Variants in MSL1 observed in about 807,000 individuals in gnomAD.
The protein encoded by MSL1 is male-specific lethal 1 homolog.
Under a neutral mutation model 64.6 loss-of-function variants are expected in MSL1, and 21 were observed. The observed-to-expected ratio is 0.33, with a 90% CI of 0.23 to 0.47. The LOEUF is 0.47. Ranked by LOEUF, MSL1 falls within the 20% of genes least tolerant of loss-of-function variation. MSL1 has a pLI of 1.00. For synonymous variants in MSL1, 339 were observed against 329.6 expected, an observed-to-expected ratio of 1.03 and a Z score of -0.31; for missense variants, 664 against 793.2, an observed-to-expected ratio of 0.84 and a Z score of 1.96.
intron 3 of MSL1, chr17:40,130,328 C>T (rs1451771411): frequency 6.6e-6 from 1 of 151,834 alleles, no homozygotes; most frequent in African/African-American, 2.4e-5. Context: ...CTTGGGATAT[C>T]TGAGCTGCTT....
In MSL1 at chr17:40,134,303, T is replaced by G; in HGVS notation, c.1779T>G (p.Asp593Glu). 1 of 1,556,906 alleles carries G rather than the reference T, an allele frequency of 6.4e-7. No homozygotes were observed. The highest frequency in any genetic ancestry group is 8.7e-7 in the Non-Finnish European group (1 of 1,149,832). Reference protein sequence around the residue: ...TPQNFELPWLDERSRCRLEIQ... With the variant: ...TPQNFELPWLEERSRCRLEIQ... ...GGAATTTTGAGCTACCCTGGTTGGA[T>G]GAGCGTAGCCGATGCAGATTGGAGA... The change falls in exon 9 of 9, where the codon GAT becomes GAG. Residue 593 changes from aspartate (D) to glutamate (E), a missense_variant. Transcript: ENST00000398532.
intron 1 of MSL1, among the ~76,000 whole-genome samples, chr17:40,125,794 AAAAC>A (rs771539569): frequency 6.6e-6 from 1 of 152,226 alleles, no homozygotes; most frequent in African/African-American, 2.4e-5. Context: ...AACAAAAACA[AAAAC>A]AAACAAACAA....
In MSL1 at chr17:40,131,908, C is replaced by T. The variant is rs1441187974; in HGVS notation, c.1424-126C>T. 2 of 694,932 alleles carry T rather than the reference C, an allele frequency of 2.9e-6. No individual in the cohort carries two copies. The highest frequency in any genetic ancestry group is 1.8e-5 in the African/African-American group (1 of 55,814). 43.0% of individuals were successfully genotyped at this position (694,932 alleles called of 1,614,324 possible). A position where few individuals can be genotyped will look rare whatever the true frequency, so the allele number is the denominator to read the frequency against. On this transcript the variant is annotated intron_variant, in intron 4 of 8. Coordinates refer to ENST00000398532, the MANE Select transcript of MSL1 (RefSeq NM_001365919.1). The surrounding 1 kb of genome is among the most constrained non-coding windows in gnomAD (Gnocchi z 4.5). ...CTTCAGGGAGGCCATAGAATGGATTCCTATCACTTGGTAACTTTGTCTCTT... is the reference window on the plus strand; with the variant it reads ...CTTCAGGGAGGCCATAGAATGGATTTCTATCACTTGGTAACTTTGTCTCTT...
In MSL1 at chr17:40,129,541, A is replaced by G; in HGVS notation, c.1289A>G (p.Glu430Gly). 6.2e-7 allele frequency: 1 copy of G among 1,613,928 alleles called. No individual in the cohort carries two copies. Among genetic ancestry groups the G allele is most frequent in the Non-Finnish European group, 8.5e-7 (1 of 1,179,886 alleles). ...GATTTGCCGTACCTTTCCACCACAG[A>G]AATGTATTTGTGTCGTTGGCACCAG... Reference protein sequence around the residue: ...IEDLPYLSTTEMYLCRWHQPP... With the variant: ...IEDLPYLSTTGMYLCRWHQPP... Residue 430 changes from glutamate to glycine, a missense_variant, in exon 3 of 9, where the codon GAA (glutamate) becomes GGA (glycine). Physicochemically the swap from Glu to Gly is moderately conservative, Grantham distance 98 (BLOSUM62 -2). Around this residue, in one of 4 missense-constraint regions of MSL1, gnomAD observed 119 missense variants for 164.3 expected, o/e 0.72. Transcript: ENST00000398532.
At chr17:40,123,423 G>C (rs1255266122) in intron 1 of MSL1, 43 bp downstream of exon 1, 3 of 1,523,600 alleles carry the variant, frequency 2.0e-6, no homozygotes, top group East Asian at 2.5e-5. Context: ...GGAGCGAGTT[G>C]TGCGCATGCT....
Position 40,129,341 on chromosome 17 carries a change from T to C in MSL1, c.1089T>C (p.Pro363=). The C allele has an allele frequency of 6.2e-7, 1 of 1,611,376 alleles. No homozygotes were observed. Among genetic ancestry groups the C allele is most frequent in the Non-Finnish European group, 8.5e-7 (1 of 1,179,240 alleles). The change falls in exon 3 of 9, where the codon CCT becomes CCC. Residue 363 remains proline (P), a synonymous_variant. Coordinates refer to ENST00000398532, the MANE Select transcript of MSL1 (RefSeq NM_001365919.1). Reference sequence around the variant, plus strand: ...AAACAAAAACTCCTAAGCACTCTCCTATTAAAGAGGAACCCTGTGGTTCCT... The same window carrying C: ...AAACAAAAACTCCTAAGCACTCTCCCATTAAAGAGGAACCCTGTGGTTCCT... ...KVKTKTPKHS[P]IKEEPCGSLS... is the part of the protein sequence containing the mutation.
At chr17:40,126,635 C>A in intron 2 of MSL1, 1 of 480,526 alleles carries the variant, frequency 2.1e-6, no homozygotes, top group South Asian at 2.5e-5. Context: ...TTTGAAACCC[C>A]GTCTCTACTA....
Position 40,134,572 on chromosome 17 carries a change from G to C in MSL1, c.*203G>C, listed in dbSNP as rs1988505011. ...TAATTGTGAGTTATGGAGGGTGATT[G>C]GGATTTCTTTTCCCTTTTTTGGGAA... is the stretch of plus-strand genomic sequence containing the variant. On this transcript the variant is annotated 3_prime_UTR_variant, in exon 9 of 9. Coordinates refer to ENST00000398532, the MANE Select transcript of MSL1 (RefSeq NM_001365919.1). 3 of 556,558 alleles carry C rather than the reference G, an allele frequency of 5.4e-6. No homozygotes were observed. In the South Asian group the frequency reaches 6.9e-5, roughly 13 times the overall value. The allele number at this position is 556,558 out of a possible 1,614,324, so 34.5% of individuals were successfully genotyped here. A position where few individuals can be genotyped will look rare whatever the true frequency, so the allele number is the denominator to read the frequency against.
intron 1 of MSL1, 59 bp downstream of exon 1, chr17:40,123,439 G>A: frequency 2.0e-6 from 3 of 1,505,786 alleles, no homozygotes; most frequent in East Asian, 2.5e-5. Flanking sequence ...ATGCTCGGGG[G>A]AAGGGGGCTG....
At chr17:40,124,328 TCTCTCCCTCC>T (rs1396542218) in intron 1 of MSL1, among the ~76,000 whole-genome samples, 1 of 152,028 alleles carries the variant, frequency 6.6e-6, no homozygotes, top group Non-Finnish European at 1.5e-5. Context: ...TCTCTCTCCC[TCTCTCCCTCC>T]CTCTTCCTCC....
chr17:40,130,878 A>G (rs909071937), intron 3 of MSL1: 5 of 152,298 alleles, frequency 3.3e-5, no homozygotes, highest in Non-Finnish European at 7.3e-5. Context: ...GGCTTGGTCC[A>G]GAGCTGTTCT....
Position 40,123,362 on chromosome 17 carries a change from G to T in MSL1, c.750G>T (p.Leu250=), listed in dbSNP as rs1415083150. The change falls in exon 1 of 9, where the codon CTG becomes CTT. Residue 250 remains leucine (L), a synonymous_variant. Coordinates refer to ENST00000398532, the MANE Select transcript of MSL1 (RefSeq NM_001365919.1). The part of the protein sequence containing the change: ...LQAKEKEIEE[L]KSERDTLLAR... ...CCAAGGAAAAGGAGATCGAGGAGCT[G>T]AAGTCAGAGAGAGACACGGTACGGG... The T allele has an allele frequency of 1.3e-6, 2 of 1,536,488 alleles. No individual in the cohort carries two copies. The highest frequency in any genetic ancestry group is 4.9e-5 in the East Asian group (2 of 40,968).
Position 40,129,250 on chromosome 17 carries a change from C to T in MSL1, c.998C>T (p.Ser333Phe). The change falls in exon 3 of 9, where the codon TCC (serine) becomes TTC (phenylalanine). Residue 333 changes from serine (S) to phenylalanine (F), a missense_variant. This residue lies in a region of MSL1 where 466 missense variants were observed against 499.0 expected (regional missense o/e 0.93). Coordinates refer to ENST00000398532, the MANE Select transcript of MSL1 (RefSeq NM_001365919.1). ...GRSGKGHKRKSPFGSTERKTP... is the reference protein window; with the variant it reads ...GRSGKGHKRKFPFGSTERKTP... ...TTTTCTTCCCTATCTAATAGGAAAT[C>T]CCCATTTGGAAGTACAGAAAGAAAG... 1 of 1,546,212 alleles carries T rather than the reference C, an allele frequency of 6.5e-7. No homozygotes were observed. The highest frequency in any genetic ancestry group is 8.7e-7 in the Non-Finnish European group (1 of 1,153,418).
At chr17:40,132,944 GA>G in intron 5 of MSL1, 97 bp from the exon 6 acceptor site, 1 of 1,185,342 alleles carries the variant, frequency 8.4e-7, no homozygotes, top group South Asian at 1.4e-5. Flanking sequence ...ACCGGAAGGT[GA>G]AAGATTTTAC....
chr17:40,123,235 G>A lies in MSL1; in HGVS notation c.623G>A (p.Gly208Glu). The A allele has an allele frequency of 2.6e-6, 4 of 1,535,786 alleles. No homozygotes were observed. The highest frequency in any genetic ancestry group is 3.5e-6 in the Non-Finnish European group (4 of 1,146,878). Residue 208 changes from glycine to glutamate, a missense_variant, in exon 1 of 9, where the codon GGG (glycine) becomes GAG (glutamate). Gly to Glu is a moderately conservative substitution (Grantham distance 98). Around this residue, in one of 4 missense-constraint regions of MSL1, gnomAD observed 466 missense variants for 499.0 expected, o/e 0.93. Coordinates refer to ENST00000398532, the MANE Select transcript of MSL1 (RefSeq NM_001365919.1). Reference sequence around the variant, plus strand: ...AAGAGTATGAGGAAGAGCCCTCTCGGGGGTGGTGGCGGCTCGGGAGCCTCC... The same window carrying A: ...AAGAGTATGAGGAAGAGCCCTCTCGAGGGTGGTGGCGGCTCGGGAGCCTCC... The part of the protein sequence containing the change: ...RWKSMRKSPL[G>E]GGGGSGASSQ...
Position 40,135,586 on chromosome 17 carries a change from A to G in MSL1, c.*1217A>G, listed in dbSNP as rs188945615. On this transcript the variant is annotated 3_prime_UTR_variant, in exon 9 of 9. Transcript: ENST00000398532. ...GTAGGGGCTTTTATCCTTAAAGAGAATATGTCCCCAGATTATTAGCACTTT... is the reference window on the plus strand; with the variant it reads ...GTAGGGGCTTTTATCCTTAAAGAGAGTATGTCCCCAGATTATTAGCACTTT... 1 of 152,334 alleles carries G rather than the reference A, an allele frequency of 6.6e-6. No individual in the cohort carries two copies. The highest frequency in any genetic ancestry group is 1.5e-5 in the Non-Finnish European group (1 of 68,040). 9.4% of individuals were successfully genotyped at this position (152,334 alleles called of 1,614,324 possible). A position where few individuals can be genotyped will look rare whatever the true frequency, so the allele number is the denominator to read the frequency against.
rs967904937 is a variant in MSL1, at chr17:40,135,996, C to T, written c.*1627C>T. 6.6e-6 allele frequency: 1 copy of T among 152,256 alleles called. No individual in the cohort carries two copies. Among genetic ancestry groups the T allele is most frequent in the Non-Finnish European group, 1.5e-5 (1 of 68,020 alleles). 9.4% of individuals were successfully genotyped at this position (152,256 alleles called of 1,614,324 possible). A position where few individuals can be genotyped will look rare whatever the true frequency, so the allele number is the denominator to read the frequency against. On this transcript the variant is annotated 3_prime_UTR_variant, in exon 9 of 9. Transcript: ENST00000398532. Reference sequence around the variant, plus strand: ...AATTCCACTAGGGGCTCTCATCTCACACCTTAAGGAGGAGATTTCTAGAAA... The same window carrying T: ...AATTCCACTAGGGGCTCTCATCTCATACCTTAAGGAGGAGATTTCTAGAAA...
At chr17:40,133,297 GC>G in intron 6 of MSL1, 188 bp downstream of exon 6, 1 of 734,274 alleles carries the variant, frequency 1.4e-6, no homozygotes, top group Non-Finnish European at 2.2e-6. Context: ...AACATGTTTG[GC>G]CTCTTTTTGT....
chr17:40,127,339 GA>G (rs66944924), intron 2 of MSL1, among the ~76,000 whole-genome samples: 31,828 of 97,478 alleles, frequency 0.33, 3,373 homozygotes, highest in East Asian at 0.41. Flanking sequence ...TGTCTCAATT[GA>G]AAAAAAAAAA....
Sources: allele counts gnomAD v4.1 joint callset (sites outside exome capture counted in the v4.1 genomes callset), GRCh38; gene constraint gnomAD v4.1.1; regional missense constraint gnomAD v4.1.1; non-coding constraint Gnocchi (gnomAD v3.1); transcripts MANE v1.5; gene names NCBI Gene and HGNC (gene_info 2026-07-23, HGNC 2026-07-21).